Variants in MUC17 observed in about 807,000 individuals in gnomAD.
MUC17 encodes the protein mucin 17, cell surface associated, also known as mucin-17.
In MUC17, 190 loss-of-function variants were observed where a neutral mutation model predicts 170.3. The ratio of observed to expected loss-of-function variants is 1.12; its 90% CI spans 0.99 to 1.26. The LOEUF (loss-of-function observed/expected upper bound fraction) is 1.26, where lower values mean the gene tolerates loss of function less well. Among genes scored for constraint, MUC17 ranks in the 50% most tolerant of loss-of-function variants. The pLI is 0.00. For missense variants in MUC17, 6,415 were observed against 5,530.0 expected, an observed-to-expected ratio of 1.16 and a Z score of -5.08; for synonymous variants, 2,325 against 2,002.5, an observed-to-expected ratio of 1.16 and a Z score of -4.30.
At position 101,034,698 on chromosome 7, in the gene MUC17, A is replaced by G. The variant is rs1323262604; in HGVS notation, c.3282A>G (p.Ser1094=). The change falls in exon 3 of 13, where the codon TCA becomes TCG. Residue 1094 remains serine (S), a synonymous_variant. Coordinates refer to ENST00000306151, the MANE Select transcript of MUC17 (RefSeq NM_001040105.2). ...CTGACGGTACCAGCATGCCAACCTC[A>G]ACTTATAGTGAAGGAAGCACTCCAC... The part of the protein sequence containing the change: ...TTADGTSMPT[S]TYSEGSTPLT... 1 of 1,606,686 alleles carries G rather than the reference A, an allele frequency of 6.2e-7. No individual in the cohort carries two copies. The highest frequency in any genetic ancestry group is 1.3e-5 in the African/African-American group (1 of 74,510).
chr7:101,021,181 CTTTTTTTTTTTT>C (rs60346243), intron 1 of MUC17, among the ~76,000 whole-genome samples: 3 of 84,156 alleles, frequency 3.6e-5, no homozygotes, highest in South Asian at 5.7e-4. Context: ...CTGTCTCCTC[CTTTTTTTTTTTT>C]TTTTTTTTTT....
chr7:101,040,980 TG>T lies in MUC17; in HGVS notation c.9565del (p.Val3189LeufsTer7). 1.2e-6 allele frequency: 2 copies of T among 1,613,962 alleles called. No homozygotes were observed. The highest frequency in any genetic ancestry group is 1.1e-5 in the South Asian group (1 of 91,064). On this transcript the variant is annotated frameshift_variant, in exon 3 of 13. Coordinates refer to ENST00000306151, the MANE Select transcript of MUC17 (RefSeq NM_001040105.2). LOFTEE classifies it high-confidence loss of function. The stretch of plus-strand genomic sequence containing the variant: ...AGGATAGCACCCTTTCAGCAACTCC[TG>T]TTGACACCAGCACACCTGTGACCAC... ...SEDSTLSATP[V>X]DTSTPVTTST...
In MUC17 at chr7:101,042,936, T is replaced by C; in HGVS notation, c.11520T>C (p.Gly3840=). 6.2e-7 allele frequency: 1 copy of C among 1,614,154 alleles called. No individual in the cohort carries two copies. Residue 3840 remains glycine, a synonymous_variant, in exon 3 of 13, where the codon GGT becomes GGC. Transcript: ENST00000306151. ...CCAGCACACTTTCAACACCTCCTGG[T>C]GATACCAGCACACCTTTGCTCACCT... ...SEASTLSTPP[G]DTSTPLLTST...
chr7:101,042,115 C>T lies in MUC17; in HGVS notation c.10699C>T (p.Arg3567Cys), dbSNP rs370435167. The change falls in exon 3 of 13, where the codon CGT becomes TGT. Residue 3567 changes from arginine (R) to cysteine (C), a missense_variant. By Grantham distance (180) the Arg-to-Cys change is radical (BLOSUM62 -3). Coordinates refer to ENST00000306151, the MANE Select transcript of MUC17 (RefSeq NM_001040105.2). Reference protein sequence around the residue: ...SPATLQVTTMRMSTPSEGSSS... With the variant: ...SPATLQVTTMCMSTPSEGSSS... ...AGCAACTCTTCAGGTCACCACTATG[C>T]GTATGTCTACTCCAAGTGAAGGAAG... 4.5e-5 allele frequency: 73 copies of T among 1,614,162 alleles called. No homozygotes were observed. The East Asian group carries it at 9.6e-4, about 21-fold the overall frequency.
At chr7:101,022,840 C>T (rs1455631023) in intron 1 of MUC17, among the ~76,000 whole-genome samples, 1 of 152,022 alleles carries the variant, frequency 6.6e-6, no homozygotes, top group East Asian at 1.9e-4. Flanking sequence ...AAAACACCCA[C>T]CTCCTCCAGG....
At chr7:101,051,182 G>A (rs1322578079) in intron 7 of MUC17, among the ~76,000 whole-genome samples, 1 of 151,676 alleles carries the variant, frequency 6.6e-6, no homozygotes, top group Non-Finnish European at 1.5e-5. Context: ...CCTGGTCAAC[G>A]TGGTGAAACC....
Position 101,043,121 on chromosome 7 carries a change from C to A in MUC17, c.11705C>A (p.Thr3902Lys), listed in dbSNP as rs752282582. Reference protein sequence around the residue: ...ASIASTPPLDTSTTFTPSTDT... With the variant: ...ASIASTPPLDKSTTFTPSTDT... ...ATAGCTTCGACACCTCCTCTTGACA[C>A]AAGCACAACTTTTACCCCTTCTACT... The change falls in exon 3 of 13, where the codon ACA becomes AAA. Residue 3902 changes from threonine to lysine, a missense_variant. By Grantham distance (78) the Thr-to-Lys change is moderately conservative. Transcript: ENST00000306151. The A allele has an allele frequency of 6.2e-7, 1 of 1,614,212 alleles. No individual in the cohort carries two copies. The highest frequency in any genetic ancestry group is 1.1e-5 in the South Asian group (1 of 91,086).
In MUC17 at chr7:101,036,227, T is replaced by A. The variant is rs761500320; in HGVS notation, c.4811T>A (p.Val1604Glu). 6.2e-6 allele frequency: 10 copies of A among 1,613,894 alleles called. No homozygotes were observed. The highest frequency in any genetic ancestry group is 2.2e-5 in the East Asian group (1 of 44,872). ...STTPIDSKTQ[V>E]TASTEASSST... ...ACCCCTATTGACTCCAAAACTCAGG[T>A]GACCGCTTCTACTGAAGCCAGTTCA... The change falls in exon 3 of 13, where the codon GTG (valine) becomes GAG (glutamate). Residue 1604 changes from valine (V) to glutamate (E), a missense_variant. By Grantham distance (121) the Val-to-Glu change is moderately radical. Transcript: ENST00000306151.
intron 4 of MUC17, 122 bp downstream of exon 4, chr7:101,048,237 TTTTTGTTTTG>T (rs377501851): frequency 1.7e-5 from 18 of 1,039,108 alleles, no homozygotes; most frequent in African/African-American, 8.3e-5. Flanking sequence ...GCTGTGGTGT[TTTTTGTTTTG>T]TTTTGTTTTG....
In MUC17 at chr7:101,035,090, C is replaced by G. The variant is rs748748210; in HGVS notation, c.3674C>G (p.Pro1225Arg). ...GERSTPLTSMPVRHTPVASSE... is the reference protein window; with the variant it reads ...GERSTPLTSMRVRHTPVASSE... ...AGAAGCACTCCATTAACAAGTATGC[C>G]TGTCAGACACACGCCAGTGGCCAGT... The change falls in exon 3 of 13, where the codon CCT becomes CGT. Residue 1225 changes from proline to arginine, a missense_variant. Pro to Arg is a moderately radical substitution (Grantham distance 103, BLOSUM62 -2). Transcript: ENST00000306151. The G allele has an allele frequency of 6.2e-7, 1 of 1,612,218 alleles. No homozygotes were observed. The highest frequency in any genetic ancestry group is 2.2e-5 in the East Asian group (1 of 44,674).
intron 1 of MUC17, among the ~76,000 whole-genome samples, chr7:101,022,363 C>T (rs753221512): frequency 2.6e-5 from 4 of 152,170 alleles, no homozygotes; most frequent in Non-Finnish European, 4.4e-5. Context: ...GACGGGGTTT[C>T]GCCATGTTGG....
At chr7:101,030,749 T>G (rs1461061505) in intron 1 of MUC17, among the ~76,000 whole-genome samples, 1 of 152,020 alleles carries the variant, frequency 6.6e-6, no homozygotes, top group Non-Finnish European at 1.5e-5. Context: ...TTATAAAATT[T>G]TGTAGAGACA....
At chr7:101,024,639 C>A (rs1794149271) in intron 1 of MUC17, among the ~76,000 whole-genome samples, 1 of 151,564 alleles carries the variant, frequency 6.6e-6, no homozygotes, top group African/African-American at 2.4e-5. Context: ...TCAACATGAA[C>A]AATCTATTTC....
In MUC17 at chr7:101,042,343, A is replaced by G; in HGVS notation, c.10927A>G (p.Ser3643Gly). 1 of 1,614,240 alleles carries G rather than the reference A, an allele frequency of 6.2e-7. No individual in the cohort carries two copies. Among genetic ancestry groups the G allele is most frequent in the Non-Finnish European group, 8.5e-7 (1 of 1,180,016 alleles). Residue 3643 changes from serine to glycine, a missense_variant, in exon 3 of 13, where the codon AGC becomes GGC. By Grantham distance (56) the Ser-to-Gly change is moderately conservative. Coordinates refer to ENST00000306151, the MANE Select transcript of MUC17 (RefSeq NM_001040105.2). ...VSTPLTIMPV[S>G]TTSVTISEAG... ...CACTCCATTAACCATTATGCCTGTC[A>G]GCACCACATCGGTGACCATTTCTGA...
Position 101,032,703 on chromosome 7 carries a change from A to C in MUC17, c.1287A>C (p.Glu429Asp). Residue 429 changes from glutamate (E) to aspartate (D), a missense_variant, in exon 3 of 13, where the codon GAA (glutamate) becomes GAC (aspartate). Glu to Asp is a conservative substitution (Grantham distance 45). Transcript: ENST00000306151. ...DSKTFVTTAS[E>D]ASSSPTTAED... ...AAACTTTTGTGACCACTGCTAGTGA[A>C]GCCAGCTCATCTCCCACAACTGCTG... 1 of 1,577,138 alleles carries C rather than the reference A, an allele frequency of 6.3e-7. No individual in the cohort carries two copies. Among genetic ancestry groups the C allele is most frequent in the Non-Finnish European group, 8.7e-7 (1 of 1,154,748 alleles).
At position 101,034,361 on chromosome 7, in the gene MUC17, C is replaced by A. The variant is rs4729646; in HGVS notation, c.2945C>A (p.Thr982Lys). 1 of 1,605,576 alleles carries A rather than the reference C, an allele frequency of 6.2e-7. No homozygotes were observed. Among genetic ancestry groups the A allele is most frequent in the East Asian group, 2.3e-5 (1 of 44,276 alleles). The change falls in exon 3 of 13, where the codon ACG becomes AAG. Residue 982 changes from threonine to lysine, a missense_variant. Transcript: ENST00000306151. ...CCAACCTCGACTCCTAGTGAAGGAACGACTCCATTAACAAGCACACCTGTC... is the reference window on the plus strand; with the variant it reads ...CCAACCTCGACTCCTAGTGAAGGAAAGACTCCATTAACAAGCACACCTGTC... ...SIPTSTPSEG[T>K]TPLTSTPVSH...
In MUC17 at chr7:101,038,323, C is replaced by A. The variant is rs775272452; in HGVS notation, c.6907C>A (p.Pro2303Thr). 13 of 1,613,638 alleles carry A rather than the reference C, an allele frequency of 8.1e-6. No homozygotes were observed. Among genetic ancestry groups the A allele is most frequent in the Non-Finnish European group, 1.1e-5 (13 of 1,179,738 alleles). Residue 2303 changes from proline (P) to threonine (T), a missense_variant, in exon 3 of 13, where the codon CCT (proline) becomes ACT (threonine). Transcript: ENST00000306151. ...TGAGGTTAGCACCCTTTCAACAACTCCTGTTGACTCCAACACTCCTTTCAC... is the reference window on the plus strand; with the variant it reads ...TGAGGTTAGCACCCTTTCAACAACTACTGTTGACTCCAACACTCCTTTCAC... ...NSEVSTLSTT[P>T]VDSNTPFTTS...
rs1158280141 is a variant in MUC17, at chr7:101,042,295, A to G, written c.10879A>G (p.Met3627Val). Residue 3627 changes from methionine to valine, a missense_variant, in exon 3 of 13, where the codon ATG becomes GTG. Met to Val is a conservative substitution (Grantham distance 21, BLOSUM62 1). Coordinates refer to ENST00000306151, the MANE Select transcript of MUC17 (RefSeq NM_001040105.2). ...ACCTCCTGAAGTTATCACCCTGCCA[A>G]TGTCAACTCCTAGTGAAGTAAGCAC... is the stretch of plus-strand genomic sequence containing the variant. ...PTPPEVITLP[M>V]STPSEVSTPL... 8 of 1,613,068 alleles carry G rather than the reference A, an allele frequency of 5.0e-6. No homozygotes were observed. Among genetic ancestry groups the G allele is most frequent in the African/African-American group, 2.7e-5 (2 of 74,514 alleles).
At chr7:101,021,085 T>A (rs1794069159) in intron 1 of MUC17, among the ~76,000 whole-genome samples, 1 of 152,150 alleles carries the variant, frequency 6.6e-6, no homozygotes, top group African/African-American at 2.4e-5. Flanking sequence ...TCCTTGCACT[T>A]TCTGTGCCTT....
Sources: allele counts gnomAD v4.1 joint callset (sites outside exome capture counted in the v4.1 genomes callset), GRCh38; gene constraint gnomAD v4.1.1; transcripts MANE v1.5; gene names NCBI Gene and HGNC (gene_info 2026-07-23, HGNC 2026-07-21).